The following MAST4 variants were observed in gnomAD, a reference collection of about 807,000 sequenced individuals.
MAST4 encodes microtubule-associated serine/threonine-protein kinase 4.
MAST4 carries 89 observed loss-of-function variants against 162.7 expected under a neutral mutation model. The observed-to-expected ratio is 0.55, with a 90% CI of 0.46 to 0.65. The LOEUF is 0.65. Among genes scored for constraint, MAST4 ranks in the 30% least tolerant of loss-of-function variants. MAST4 has a pLI of 0.00. For missense variants in MAST4, 3,153 were observed against 3,374.0 expected (o/e 0.93, Z 1.62); for synonymous variants, 1,479 against 1,361.1 (o/e 1.09, Z -1.91).
At chr5:66,991,021 C>T (rs1750014831) in intron 4 of MAST4, among the ~76,000 whole-genome samples, 2 of 152,144 alleles carry the variant, frequency 1.3e-5, no homozygotes, top group Admixed American at 1.3e-4. Context: ...TAAATTGCTA[C>T]CACACTCAAA....
chr5:66,658,063 C>T (rs1482521557), intron 1 of MAST4, among the ~76,000 whole-genome samples: 1 of 152,176 alleles, frequency 6.6e-6, no homozygotes, highest in Non-Finnish European at 1.5e-5. Flanking sequence ...TTTGCATTTT[C>T]CAGTCCAGGG....
chr5:67,015,413 G>C (rs1422447032), intron 4 of MAST4, among the ~76,000 whole-genome samples: 1 of 152,158 alleles, frequency 6.6e-6, no homozygotes, highest in African/African-American at 2.4e-5. Flanking sequence ...CTTTTTAATA[G>C]AGAAACTAAC....
chr5:67,166,825 G>T lies in MAST4; in HGVS notation c.7646G>T (p.Arg2549Met). 1 of 1,604,518 alleles carries T rather than the reference G, an allele frequency of 6.2e-7. No homozygotes were observed. Among genetic ancestry groups the T allele is most frequent in the Non-Finnish European group, 8.5e-7 (1 of 1,176,078 alleles). Residue 2549 changes from arginine (R) to methionine (M), a missense_variant, in exon 29 of 29, where the codon AGG becomes ATG. Physicochemically the swap from Arg to Met is moderately conservative, Grantham distance 91. Transcript: ENST00000403625. ...ATGGGCGGGGCCAGCCACCGGGACA[G>T]GGCTCTCTCGGTGACTGCCACCGTA... ...NTMGGASHRD[R>M]ALSVTATVGE... is the part of the protein sequence containing the mutation.
At chr5:66,900,726 A>C (rs1310051465) in intron 4 of MAST4, among the ~76,000 whole-genome samples, 1 of 144,680 alleles carries the variant, frequency 6.9e-6, no homozygotes, top group Non-Finnish European at 1.5e-5. Flanking sequence ...TTTAAAAAAA[A>C]ATAGTATTTA....
chr5:66,673,502 C>T (rs559569179), intron 1 of MAST4, among the ~76,000 whole-genome samples: 5 of 149,948 alleles, frequency 3.3e-5, no homozygotes, highest in Non-Finnish European at 5.9e-5. Flanking sequence ...AACTACAATA[C>T]GCTAGTTTTT....
At position 67,164,663 on chromosome 5, in the gene MAST4, C is replaced by T. The variant is rs754070170; in HGVS notation, c.5484C>T (p.Ser1828=). The T allele has an allele frequency of 2.5e-6, 4 of 1,614,010 alleles. No homozygotes were observed. In the South Asian group the frequency reaches 4.4e-5, roughly 18 times the overall value. Residue 1828 remains serine (S), a synonymous_variant, in exon 29 of 29, where the codon AGC becomes AGT. Transcript: ENST00000403625. This position sits in a 1 kb window ranked among gnomAD's most constrained non-coding sequence, Gnocchi z 5.3. ...TGCCTTCCCCAGAGTCTGCACAGAG[C>T]CCCAGCCCAAGTGGTGACGTGAGGG... The part of the protein sequence containing the change: ...TELPSPESAQ[S]PSPSGDVRAS...
chr5:67,043,163 T>A (rs529798571), intron 4 of MAST4, among the ~76,000 whole-genome samples: 4 of 152,204 alleles, frequency 2.6e-5, no homozygotes, highest in Admixed American at 6.5e-5. Context: ...ACCCTTTTAT[T>A]TTTTTGGTTA....
At chr5:67,011,168 C>A (rs1002166616) in intron 4 of MAST4, among the ~76,000 whole-genome samples, 11 of 152,146 alleles carry the variant, frequency 7.2e-5, no homozygotes, top group Non-Finnish European at 1.6e-4. Flanking sequence ...AAAGCCCTGA[C>A]CGAGCGTCTC....
chr5:67,079,419 T>G (rs1289918712), intron 5 of MAST4, among the ~76,000 whole-genome samples: 1 of 152,172 alleles, frequency 6.6e-6, no homozygotes, highest in Non-Finnish European at 1.5e-5. Flanking sequence ...CACATATGCT[T>G]GTGAATATAC....
chr5:66,618,411 C>T (rs1467651440), intron 1 of MAST4, among the ~76,000 whole-genome samples: 1 of 152,204 alleles, frequency 6.6e-6, no homozygotes, highest in East Asian at 1.9e-4. Flanking sequence ...GACCTTCTCC[C>T]TCAGTGTAAC....
intron 1 of MAST4, among the ~76,000 whole-genome samples, chr5:66,644,153 A>G (rs1422389535): frequency 6.6e-6 from 1 of 151,852 alleles, no homozygotes; most frequent in Non-Finnish European, 1.5e-5. Flanking sequence ...TCAGATTTAG[A>G]AGGAAAATTA....
intron 13 of MAST4, 53 bp from the exon 14 acceptor site, chr5:67,120,959 GATAAA>G: frequency 8.2e-7 from 1 of 1,215,250 alleles, no homozygotes; most frequent in Non-Finnish European, 1.2e-6. Context: ...CTATTTTGCT[GATAAA>G]ATAATTTTCT....
intron 12 of MAST4, chr5:67,114,974 A>C (rs1025717874): frequency 1.4e-5 from 2 of 144,034 alleles, no homozygotes; most frequent in African/African-American, 5.2e-5. Flanking sequence ...TGAACCCAGG[A>C]GGTGGAGGTT....
intron 2 of MAST4, 48 bp from the exon 3 acceptor site, chr5:66,788,622 A>G (rs770426149): frequency 2.5e-5 from 40 of 1,595,390 alleles, no homozygotes; most frequent in Admixed American, 1.9e-4. Flanking sequence ...CAATAAGACT[A>G]CTACCGGCTG....
chr5:66,789,682 ATGTTAAT>A (rs1561332325), intron 3 of MAST4: 1 of 517,244 alleles, frequency 1.9e-6, no homozygotes, highest in Non-Finnish European at 3.9e-6. Flanking sequence ...CCTCTCTGTG[ATGTTAAT>A]TGTGATCATC....
intron 11 of MAST4, among the ~76,000 whole-genome samples, chr5:67,113,450 A>C (rs924588173): frequency 2.0e-5 from 3 of 152,176 alleles, no homozygotes; most frequent in African/African-American, 7.2e-5. Context: ...TACACACAAA[A>C]AATTAAATAG....
At chr5:66,757,446 G>A (rs1000254969) in intron 1 of MAST4, among the ~76,000 whole-genome samples, 6 of 152,186 alleles carry the variant, frequency 3.9e-5, no homozygotes, top group African/African-American at 1.4e-4. Flanking sequence ...GATTTGTCTT[G>A]TGATGTAAAA....
chr5:66,976,274 A>T (rs1748137402), intron 4 of MAST4, among the ~76,000 whole-genome samples: 1 of 152,050 alleles, frequency 6.6e-6, no homozygotes, highest in Admixed American at 6.5e-5. Context: ...AGATAGGCTC[A>T]CTCCTTCTTC....
chr5:67,009,175 G>A (rs114667384), intron 4 of MAST4, among the ~76,000 whole-genome samples: 1 of 143,084 alleles, frequency 7.0e-6, no homozygotes, highest in Non-Finnish European at 1.6e-5. Context: ...GTATTTACAA[G>A]GTACATATAA....
Sources: gnomAD v4.1 joint callset for allele counts (sites outside exome capture counted in the v4.1 genomes callset) on GRCh38, gnomAD v4.1.1 for gene constraint, Gnocchi (gnomAD v3.1) non-coding constraint, MANE v1.5 for transcripts, NCBI Gene and HGNC (gene_info 2026-07-23, HGNC 2026-07-21) for gene names.